CHODL: variants seen among roughly 807,000 people sequenced by gnomAD.
CHODL encodes transmembrane protein MT75.
CHODL carries 29 observed loss-of-function variants against 34.5 expected under a neutral mutation model. That is an observed-to-expected ratio of 0.84 (90% CI 0.63 to 1.15). The LOEUF is 1.15. CHODL is among the 50% of genes most tolerant of loss of function. CHODL has a pLI of 0.00. For missense variants in CHODL, 332 were observed against 332.5 expected, an observed-to-expected ratio of 1.00 and a Z score of 0.01; for synonymous variants, 125 against 116.1, an observed-to-expected ratio of 1.08 and a Z score of -0.49.
At chr21:18,143,402 A>T (rs2072826462) in intron 2 of CHODL, among the ~76,000 whole-genome samples, 2 of 152,168 alleles carry the variant, frequency 1.3e-5, no homozygotes, top group African/African-American at 4.8e-5. Context: ...GATTTTAATT[A>T]TTATGACAAG....
At chr21:17,939,019 T>C (rs1193785719) in intron 1 of CHODL, among the ~76,000 whole-genome samples, 2 of 152,232 alleles carry the variant, frequency 1.3e-5, no homozygotes, top group Non-Finnish European at 2.9e-5. Flanking sequence ...GAGAAATGTT[T>C]ATAATTTGAA....
chr21:17,965,718 A>G (rs1257471817), intron 1 of CHODL, among the ~76,000 whole-genome samples: 1 of 152,116 alleles, frequency 6.6e-6, no homozygotes, highest in East Asian at 1.9e-4. Flanking sequence ...ATCTCACAGC[A>G]CATATAATAA....
chr21:17,978,741 AAAAAAC>A (rs996592808), intron 1 of CHODL, among the ~76,000 whole-genome samples: 1 of 151,880 alleles, frequency 6.6e-6, no homozygotes, highest in African/African-American at 2.4e-5. Flanking sequence ...AAGAAAAAAA[AAAAAAC>A]AAACAAACAG....
rs11909882 is a variant in CHODL at position 18,068,412 on chromosome 21, G to T, written c.-45+40441G>T. On this transcript the variant is annotated intron_variant, in intron 2 of 6. Transcript: ENST00000400127. ...GGGTTTCACCCTGTTGGCCAGGCAG[G>T]TCTCAAACTCCTGATCTCAGGTGAT... 1.4e-4 allele frequency among the ~76,000 whole-genome samples: 21 copies of T among 152,116 alleles called. No homozygotes were observed. In the South Asian group the frequency reaches 3.7e-3, roughly 27 times the overall value.
At chr21:18,096,482 A>T (rs2065141137) in intron 2 of CHODL, among the ~76,000 whole-genome samples, 3 of 152,098 alleles carry the variant, frequency 2.0e-5, no homozygotes, top group Admixed American at 6.6e-5. Context: ...CTGGGAAAGG[A>T]ATGTATTCCC....
At chr21:18,174,259 G>T (rs912036776) in intron 2 of CHODL, among the ~76,000 whole-genome samples, 1 of 149,006 alleles carries the variant, frequency 6.7e-6, no homozygotes, top group Non-Finnish European at 1.5e-5. Flanking sequence ...ATAATGTAAC[G>T]CTAGATATGG....
chr21:18,265,288 T>TAC (rs563361586), intron 5 of CHODL, among the ~76,000 whole-genome samples: 1,794 of 139,918 alleles, frequency 0.013, 13 homozygotes, highest in Non-Finnish European at 0.019. Context: ...TGTATATATA[T>TAC]ACACACACAC....
At chr21:17,923,382 T>C (rs566272043) in intron 1 of CHODL, among the ~76,000 whole-genome samples, 1 of 132,162 alleles carries the variant, frequency 7.6e-6, no homozygotes, top group South Asian at 2.9e-4. Context: ...TAAAATAAAT[T>C]AAAAAAAGTA....
intron 2 of CHODL, among the ~76,000 whole-genome samples, chr21:18,233,055 C>A (rs2073997971): frequency 1.3e-5 from 2 of 149,502 alleles, no homozygotes; most frequent in Admixed American, 1.3e-4. Flanking sequence ...ATATCAATAA[C>A]CTTAAATACT....
intron 2 of CHODL, among the ~76,000 whole-genome samples, chr21:18,117,708 A>T (rs1008498632): frequency 1.4e-5 from 2 of 144,508 alleles, no homozygotes; most frequent in Non-Finnish European, 3.0e-5. Context: ...TAAATAAGAT[A>T]AAATAAATAA....
intron 2 of CHODL, among the ~76,000 whole-genome samples, chr21:18,237,152 T>C (rs561223000): frequency 3.3e-5 from 5 of 152,266 alleles, no homozygotes; most frequent in African/African-American, 1.2e-4. Context: ...TGCACTGTTC[T>C]GGGCAAATTA....
intron 1 of CHODL, among the ~76,000 whole-genome samples, chr21:17,925,266 A>C (rs1176344007): frequency 6.6e-6 from 1 of 152,226 alleles, no homozygotes; most frequent in Non-Finnish European, 1.5e-5. Context: ...CCATAACATG[A>C]AAGTTGACTC....
intron 1 of CHODL, among the ~76,000 whole-genome samples, chr21:17,960,594 C>T (rs1038439436): frequency 1.3e-5 from 2 of 152,206 alleles, no homozygotes; most frequent in African/African-American, 4.8e-5. Flanking sequence ...TCTTTGCTCA[C>T]CAACTGTCAT....
intron 1 of CHODL, among the ~76,000 whole-genome samples, chr21:17,999,027 C>T (rs1268269337): frequency 6.6e-6 from 1 of 152,124 alleles, no homozygotes; most frequent in East Asian, 1.9e-4. Context: ...TATGCTGTTT[C>T]CCTTTTAAAA....
At chr21:18,107,644 G>C (rs543021593) in intron 2 of CHODL, among the ~76,000 whole-genome samples, 2 of 152,322 alleles carry the variant, frequency 1.3e-5, no homozygotes, top group African/African-American at 4.8e-5. Context: ...ACTAGCATCA[G>C]GGTTTGCTGT....
chr21:18,206,809 G>A (rs1329776067), intron 2 of CHODL, among the ~76,000 whole-genome samples: 2 of 150,190 alleles, frequency 1.3e-5, no homozygotes, highest in African/African-American at 2.4e-5. Context: ...TCTATACATT[G>A]TATGTTTTTT....
chr21:18,237,070 T>A (rs1398114563), intron 2 of CHODL, among the ~76,000 whole-genome samples: 1 of 152,090 alleles, frequency 6.6e-6, no homozygotes, highest in East Asian at 1.9e-4. Flanking sequence ...AAAATTATTT[T>A]TGTGGAAATT....
At chr21:18,003,239 G>T (rs2063928019) in intron 1 of CHODL, among the ~76,000 whole-genome samples, 1 of 151,416 alleles carries the variant, frequency 6.6e-6, no homozygotes, top group Non-Finnish European at 1.5e-5. Flanking sequence ...GAGAATTGCT[G>T]CTCAGTACAT....
chr21:18,187,330 C>T (rs553315997), intron 2 of CHODL, among the ~76,000 whole-genome samples: 1 of 152,206 alleles, frequency 6.6e-6, no homozygotes, highest in South Asian at 2.1e-4. Context: ...TCATCCTGGA[C>T]TGTATGTCCC....
Sources: gnomAD v4.1 joint callset for allele counts (sites outside exome capture counted in the v4.1 genomes callset) on GRCh38, gnomAD v4.1.1 for gene constraint, MANE v1.5 for transcripts, NCBI Gene and HGNC (gene_info 2026-07-23, HGNC 2026-07-21) for gene names.